The following SMURF2 variants were observed in gnomAD, a reference collection of about 807,000 sequenced individuals.
The protein encoded by SMURF2 is E3 ubiquitin-protein ligase SMURF2.
SMURF2 carries 48 observed loss-of-function variants against 109.6 expected under a neutral mutation model. That is an observed-to-expected ratio of 0.44 (90% CI 0.35 to 0.56). SMURF2 has a LOEUF of 0.56. Ranked by LOEUF, SMURF2 falls within the 20% of genes least tolerant of loss-of-function variation. The pLI, the probability that SMURF2 is intolerant of heterozygous loss-of-function variation, is 0.01. For missense variants in SMURF2, 575 were observed against 909.0 expected (o/e 0.63, Z 4.72); for synonymous variants, 288 against 317.1 (o/e 0.91, Z 0.97).
chr17:64,585,025 AAC>A (rs577177212), intron 6 of SMURF2, among the ~76,000 whole-genome samples: 1 of 152,354 alleles, frequency 6.6e-6, no homozygotes, highest in East Asian at 1.9e-4. Flanking sequence ...AGTGATTTTT[AAC>A]AGTTTAAAAA....
intron 5 of SMURF2, among the ~76,000 whole-genome samples, chr17:64,588,630 G>GT (rs1381389043): frequency 4.0e-5 from 6 of 150,824 alleles, no homozygotes; most frequent in Non-Finnish European, 7.4e-5. Flanking sequence ...TTGTTTTTTT[G>GT]TTTTTTTGAG....
intron 1 of SMURF2, among the ~76,000 whole-genome samples, chr17:64,621,898 TA>T (rs1970207517): frequency 1.5e-5 from 2 of 135,354 alleles, no homozygotes; most frequent in Admixed American, 7.9e-5. Flanking sequence ...AATAAATAAA[TA>T]AATAAATAAT....
chr17:64,587,479 C>T (rs1480950043), intron 5 of SMURF2, among the ~76,000 whole-genome samples: 1 of 152,162 alleles, frequency 6.6e-6, no homozygotes, highest in Non-Finnish European at 1.5e-5. Flanking sequence ...TCCTTCTTTG[C>T]CACTCCAGTA....
At chr17:64,579,055 G>C (rs1182295704) in intron 8 of SMURF2, among the ~76,000 whole-genome samples, 4 of 152,118 alleles carry the variant, frequency 2.6e-5, no homozygotes, top group African/African-American at 7.2e-5. Context: ...GATTACATTT[G>C]AGCTCAAAGA....
In SMURF2 at chr17:64,607,623, C is replaced by CAAA. The variant is rs59894966; in HGVS notation, c.53-986_53-984dup. Among the ~76,000 whole-genome samples, 383 of 99,878 alleles carry CAAA rather than the reference C, an allele frequency of 3.8e-3. 2 individuals are homozygous for CAAA. The highest frequency in any genetic ancestry group is 0.012 in the African/African-American group (362 of 29,682). The allele number at this position is 99,878 out of a possible 152,430, so 65.5% of individuals were successfully genotyped here. On this transcript the variant is annotated intron_variant, in intron 1 of 18. Coordinates refer to ENST00000262435, the MANE Select transcript of SMURF2 (RefSeq NM_022739.4). ...CCTGGGCTACAGAGCAAGACTGTCTCAAAAAAAAAAAAAAAGGATTTTATA... is the reference window on the plus strand; with the variant it reads ...CCTGGGCTACAGAGCAAGACTGTCTCAAAAAAAAAAAAAAAAAAGGATTTTATA...
chr17:64,657,792 A>G (rs1970724449), intron 1 of SMURF2, among the ~76,000 whole-genome samples: 1 of 151,962 alleles, frequency 6.6e-6, no homozygotes, highest in Admixed American at 6.6e-5. Context: ...AAACTGAGTT[A>G]TGTTAAATGA....
In SMURF2 at chr17:64,662,062, G is replaced by C; in HGVS notation, c.-182C>G. On this transcript the variant is annotated 5_prime_UTR_variant, in exon 1 of 19. Coordinates refer to ENST00000262435, the MANE Select transcript of SMURF2 (RefSeq NM_022739.4). Reference sequence around the variant, plus strand: ...AGCCGCGGAGGGAGCGGGACGCCGAGCTCCCCCCTCCTCCCACTTCTCCTT... The same window carrying C: ...AGCCGCGGAGGGAGCGGGACGCCGACCTCCCCCCTCCTCCCACTTCTCCTT... 2.7e-6 allele frequency: 3 copies of C among 1,102,028 alleles called. No homozygotes were observed. Among genetic ancestry groups the C allele is most frequent in the Non-Finnish European group, 3.3e-6 (3 of 905,126 alleles). The allele number at this position is 1,102,028 out of a possible 1,614,324, so 68.3% of individuals were successfully genotyped here.
chr17:64,572,024 GAC>G (rs1283644083), intron 9 of SMURF2, 68 bp from the exon 10 acceptor site: 1 of 1,339,456 alleles, frequency 7.5e-7, no homozygotes, highest in East Asian at 2.5e-5. Context: ...AAGTGTAAAT[GAC>G]ACAGAACAAT....
At position 64,545,606 on chromosome 17, in the gene SMURF2, T is replaced by G. The variant is rs1968937264; in HGVS notation, c.*242A>C. On this transcript the variant is annotated 3_prime_UTR_variant, in exon 19 of 19. Coordinates refer to ENST00000262435, the MANE Select transcript of SMURF2 (RefSeq NM_022739.4). ...GTCAGCATTCTTTAGGTTCAAGATA[T>G]TAAGTTTAAATAGCAGCTGAATGTG... The G allele has an allele frequency of 3.2e-6, 1 of 309,826 alleles. No individual in the cohort carries two copies. The highest frequency in any genetic ancestry group is 6.0e-6 in the Non-Finnish European group (1 of 167,868). 19.2% of individuals were successfully genotyped at this position (309,826 alleles called of 1,614,324 possible).
chr17:64,555,081 T>G, intron 14 of SMURF2, 88 bp from the exon 15 acceptor site: 1 of 1,251,440 alleles, frequency 8.0e-7, no homozygotes, highest in East Asian at 2.5e-5. Context: ...AAAACTAAGA[T>G]CATTTTATAA....
At chr17:64,654,625 T>C (rs1170021079) in intron 1 of SMURF2, among the ~76,000 whole-genome samples, 1 of 150,936 alleles carries the variant, frequency 6.6e-6, no homozygotes, top group Non-Finnish European at 1.5e-5. Flanking sequence ...AGGTCAGGAG[T>C]TTGAGACCAG....
chr17:64,654,487 T>G (rs1970680092), intron 1 of SMURF2, among the ~76,000 whole-genome samples: 1 of 152,140 alleles, frequency 6.6e-6, no homozygotes, highest in Non-Finnish European at 1.5e-5. Context: ...AAGAAAAATT[T>G]TAAGTGTTAA....
chr17:64,593,673 T>A, intron 3 of SMURF2, 100 bp from the exon 4 acceptor site: 1 of 1,021,572 alleles, frequency 9.8e-7, no homozygotes, highest in Non-Finnish European at 1.3e-6. Context: ...ACTAATATGC[T>A]TCAGAATCTG....
intron 10 of SMURF2, among the ~76,000 whole-genome samples, chr17:64,570,321 T>A (rs971202732): frequency 6.6e-6 from 1 of 152,230 alleles, no homozygotes; most frequent in African/African-American, 2.4e-5. Flanking sequence ...CACCATTCAT[T>A]TAGAGAAGCT....
In SMURF2 at chr17:64,662,037, A is replaced by AGCCGCGGAGGGAGCGG. The variant is rs1970788634; in HGVS notation, c.-173_-158dup. 2 of 1,113,322 alleles carry AGCCGCGGAGGGAGCGG rather than the reference A, an allele frequency of 1.8e-6. No individual in the cohort carries two copies. Among genetic ancestry groups the AGCCGCGGAGGGAGCGG allele is most frequent in the African/African-American group, 1.7e-5 (1 of 59,782 alleles). 69.0% of individuals were successfully genotyped at this position (1,113,322 alleles called of 1,614,324 possible). On this transcript the variant is annotated 5_prime_UTR_variant, in exon 1 of 19. Coordinates refer to ENST00000262435, the MANE Select transcript of SMURF2 (RefSeq NM_022739.4). ...GGATGTGCCGAGAGTCGTCGCCATG[A>AGCCGCGGAGGGAGCGG]GCCGCGGAGGGAGCGGGACGCCGAG...
intron 9 of SMURF2, among the ~76,000 whole-genome samples, chr17:64,577,112 G>GT (rs1268445338): frequency 1.3e-5 from 2 of 151,750 alleles, no homozygotes; most frequent in Non-Finnish European, 2.9e-5. Context: ...ACATGCACAC[G>GT]TATGTTTATT....
In SMURF2 at chr17:64,625,462, T is replaced by C. The variant is rs140678003; in HGVS notation, c.53-18822A>G. ...ATGACATGTGTTCAAAAAATTGCTATGCAGATAAGAACACATGAACATGCT... is the reference window on the plus strand; with the variant it reads ...ATGACATGTGTTCAAAAAATTGCTACGCAGATAAGAACACATGAACATGCT... On this transcript the variant is annotated intron_variant, in intron 1 of 18. Coordinates refer to ENST00000262435, the MANE Select transcript of SMURF2 (RefSeq NM_022739.4). Among the ~76,000 whole-genome samples the C allele has an allele frequency of 9.2e-3, 1,401 of 152,328 alleles. 17 individuals carry two copies. Among genetic ancestry groups the C allele is most frequent in the African/African-American group, 0.032 (1,344 of 41,560 alleles).
intron 1 of SMURF2, among the ~76,000 whole-genome samples, chr17:64,635,554 G>A (rs1187374011): frequency 3.9e-5 from 6 of 151,954 alleles, no homozygotes; most frequent in South Asian, 4.2e-4. Flanking sequence ...TCTGTCTATG[G>A]ATTTGCCAAG....
At chr17:64,591,619 T>A (rs782705131) in intron 4 of SMURF2, among the ~76,000 whole-genome samples, 17 of 152,336 alleles carry the variant, frequency 1.1e-4, no homozygotes, top group Non-Finnish European at 8.8e-5. Context: ...GCATCAGTTC[T>A]GTCACTCATT....
Sources: gnomAD v4.1 joint callset for allele counts (sites outside exome capture counted in the v4.1 genomes callset) on GRCh38, gnomAD v4.1.1 for gene constraint, MANE v1.5 for transcripts, NCBI Gene and HGNC (gene_info 2026-07-23, HGNC 2026-07-21) for gene names.